Variants in KCNMA1 observed in about 807,000 individuals in gnomAD.
KCNMA1 encodes potassium calcium-activated channel subfamily M alpha 1.
In KCNMA1, 29 loss-of-function variants were observed where a neutral mutation model predicts 140.0. That is an observed-to-expected ratio of 0.21 (90% CI 0.15 to 0.28). KCNMA1 has a LOEUF of 0.28. Among genes scored for constraint, KCNMA1 ranks in the 10% least tolerant of loss-of-function variants. The pLI is 1.00. For synonymous variants in KCNMA1, 612 were observed against 611.9 expected, an observed-to-expected ratio of 1.00 and a Z score of 0.00; for missense variants, 880 against 1,602.2, an observed-to-expected ratio of 0.55 and a Z score of 7.70.
At chr10:77,605,225 C>G (rs1348873930) in intron 1 of KCNMA1, among the ~76,000 whole-genome samples, 1 of 152,212 alleles carries the variant, frequency 6.6e-6, no homozygotes, top group Non-Finnish European at 1.5e-5. Context: ...TGGGTGCTTG[C>G]TAGTTGCCAG....
At chr10:77,437,026 G>T (rs1387120201) in intron 1 of KCNMA1, among the ~76,000 whole-genome samples, 1 of 151,420 alleles carries the variant, frequency 6.6e-6, no homozygotes, top group Non-Finnish European at 1.5e-5. Flanking sequence ...CCACTTTAGT[G>T]GAGGGAAAAG....
intron 19 of KCNMA1, among the ~76,000 whole-genome samples, chr10:76,985,562 AT>A (rs773968183): frequency 2.4e-4 from 36 of 152,356 alleles, no homozygotes; most frequent in Non-Finnish European, 4.1e-4. Flanking sequence ...AAAATGTTAT[AT>A]TTTTAAAATA....
At chr10:77,290,035 G>C (rs989870615) in intron 2 of KCNMA1, among the ~76,000 whole-genome samples, 1 of 152,208 alleles carries the variant, frequency 6.6e-6, no homozygotes, top group Non-Finnish European at 1.5e-5. Context: ...GTTAGAGATG[G>C]AAGGAGGCGG....
At chr10:77,624,849 G>T (rs527910827) in intron 1 of KCNMA1, among the ~76,000 whole-genome samples, 4 of 152,060 alleles carry the variant, frequency 2.6e-5, no homozygotes, top group African/African-American at 9.6e-5. Context: ...CTCTTCATTT[G>T]TCTGCTCTCA....
At chr10:77,048,706 C>T (rs2095225719) in intron 14 of KCNMA1, among the ~76,000 whole-genome samples, 1 of 152,200 alleles carries the variant, frequency 6.6e-6, no homozygotes, top group Non-Finnish European at 1.5e-5. Flanking sequence ...CAGCACAATA[C>T]TCCTTAGAGT....
At chr10:77,625,733 G>A (rs2092411812) in intron 1 of KCNMA1, among the ~76,000 whole-genome samples, 1 of 152,076 alleles carries the variant, frequency 6.6e-6, no homozygotes, top group Non-Finnish European at 1.5e-5. Context: ...ACCACAATTC[G>A]CTAATCTATT....
At chr10:76,949,696 A>G (rs1384254553) in intron 21 of KCNMA1, among the ~76,000 whole-genome samples, 1 of 152,216 alleles carries the variant, frequency 6.6e-6, no homozygotes, top group Non-Finnish European at 1.5e-5. Flanking sequence ...ATAAAAAGGA[A>G]AAGGAATATT....
intron 2 of KCNMA1, among the ~76,000 whole-genome samples, chr10:77,388,557 T>C (rs1384830765): frequency 6.6e-6 from 1 of 152,212 alleles, no homozygotes; most frequent in East Asian, 1.9e-4. Context: ...GTAAATGGCT[T>C]AATGTGTCTG....
chr10:77,084,066 C>T (rs991802581), intron 12 of KCNMA1, among the ~76,000 whole-genome samples: 2 of 152,146 alleles, frequency 1.3e-5, no homozygotes, highest in African/African-American at 2.4e-5. Flanking sequence ...CGTAGACACA[C>T]TTGGAAAGCC....
intron 1 of KCNMA1, among the ~76,000 whole-genome samples, chr10:77,445,371 C>G (rs868166720): frequency 0.05 from 7,451 of 150,076 alleles, 636 homozygotes; most frequent in African/African-American, 0.17. Context: ...CACAGACACA[C>G]ACACACACAC....
chr10:77,156,126 A>C (rs942703146), intron 5 of KCNMA1, among the ~76,000 whole-genome samples: 1 of 150,658 alleles, frequency 6.6e-6, no homozygotes, highest in Non-Finnish European at 1.5e-5. Flanking sequence ...TACTTGGGAG[A>C]CTGAGGCAGG....
chr10:76,878,801 C>A (rs1003680897), intron 29 of KCNMA1, among the ~76,000 whole-genome samples: 1 of 152,100 alleles, frequency 6.6e-6, no homozygotes, highest in East Asian at 1.9e-4. Flanking sequence ...CAAGACTCAA[C>A]CCTCATCCCC....
At chr10:76,933,871 A>G (rs1395638103) in intron 23 of KCNMA1, among the ~76,000 whole-genome samples, 2 of 152,230 alleles carry the variant, frequency 1.3e-5, no homozygotes, top group Non-Finnish European at 2.9e-5. Flanking sequence ...ATATCCTTAA[A>G]TGTTCAATAA....
intron 1 of KCNMA1, among the ~76,000 whole-genome samples, chr10:77,622,244 T>C (rs1008618486): frequency 2.6e-5 from 4 of 152,152 alleles, no homozygotes; most frequent in African/African-American, 7.2e-5. Context: ...AGTACAAAAC[T>C]CTCTGAACTT....
Position 77,366,209 on chromosome 10 carries a change from C to T in KCNMA1, c.540+37653G>A, listed in dbSNP as rs577704371. Among the ~76,000 whole-genome samples, 5 of 151,828 alleles carry T rather than the reference C, an allele frequency of 3.3e-5. No homozygotes were observed. The South Asian group carries it at 1.0e-3, about 32-fold the overall frequency. ...TTGAGATCACGTTTCTGTCTTGTCACCCATGCTGGAGTGCAATGGCACGAT... is the reference window on the plus strand; with the variant it reads ...TTGAGATCACGTTTCTGTCTTGTCATCCATGCTGGAGTGCAATGGCACGAT... On this transcript the variant is annotated intron_variant, in intron 2 of 27. Coordinates refer to ENST00000286628, the MANE Select transcript of KCNMA1 (RefSeq NM_001161352.2).
At chr10:76,920,416 C>T (rs1375393620) in intron 23 of KCNMA1, among the ~76,000 whole-genome samples, 1 of 152,038 alleles carries the variant, frequency 6.6e-6, no homozygotes, top group Non-Finnish European at 1.5e-5. Flanking sequence ...AACTGAAGCA[C>T]AGAGAAGGTA....
chr10:77,130,747 A>G lies in KCNMA1; in HGVS notation c.809-9699T>C, dbSNP rs77215390. 4.7e-4 allele frequency among the ~76,000 whole-genome samples: 72 copies of G among 152,266 alleles called. No individual in the cohort carries two copies. The East Asian group carries it at 0.013, about 28-fold the overall frequency. On this transcript the variant is annotated intron_variant, in intron 5 of 27. Coordinates refer to ENST00000286628, the MANE Select transcript of KCNMA1 (RefSeq NM_001161352.2). ...GGAGATTACAACACAGAACAGACGA[A>G]CACAAAATGTGGGTAGATACTCTGT...
At chr10:77,074,114 G>A (rs2096305687) in intron 13 of KCNMA1, among the ~76,000 whole-genome samples, 1 of 152,096 alleles carries the variant, frequency 6.6e-6, no homozygotes, top group Admixed American at 6.5e-5. Context: ...ACAGCATTTA[G>A]GCTAAAAAAA....
chr10:77,363,925 C>T (rs553773323), intron 2 of KCNMA1, among the ~76,000 whole-genome samples: 61 of 152,090 alleles, frequency 4.0e-4, no homozygotes, highest in African/African-American at 1.4e-3. Context: ...ATATGCATGA[C>T]GATATGTTTT....
Sources: gnomAD v4.1 joint callset for allele counts (sites outside exome capture counted in the v4.1 genomes callset) on GRCh38, gnomAD v4.1.1 for gene constraint, MANE v1.5 for transcripts, NCBI Gene and HGNC (gene_info 2026-07-23, HGNC 2026-07-21) for gene names.